PRPF6: variants seen among roughly 807,000 people sequenced by gnomAD.
PRPF6 encodes the protein pre-mRNA processing factor 6.
Under a neutral mutation model 118.3 loss-of-function variants are expected in PRPF6, and 42 were observed. That is an observed-to-expected ratio of 0.35 (90% CI 0.28 to 0.46). The LOEUF is 0.46. PRPF6 is among the 20% of genes least tolerant of loss of function. The pLI is 1.00. For missense variants in PRPF6, 662 were observed against 1,255.7 expected, an observed-to-expected ratio of 0.53 and a Z score of 7.15; for synonymous variants, 481 against 485.1, an observed-to-expected ratio of 0.99 and a Z score of 0.11.
chr20:64,021,627 TTGTG>T (rs1247127684), intron 12 of PRPF6, among the ~76,000 whole-genome samples: 4 of 59,046 alleles, frequency 6.8e-5, no homozygotes, highest in Admixed American at 1.9e-4. Flanking sequence ...GTGCGTGTGT[TTGTG>T]TGTGTGCGTG....
rs571560972 is a variant in PRPF6 at position 64,016,641 on chromosome 20, G to A, written c.1525-82G>A. 5.5e-4 allele frequency: 868 copies of A among 1,565,738 alleles called. 1 individual carries two copies. Among genetic ancestry groups the A allele is most frequent in the Middle Eastern group, 2.3e-3 (12 of 5,204 alleles). On this transcript the variant is annotated intron_variant, in intron 11 of 20. Coordinates refer to ENST00000266079, the MANE Select transcript of PRPF6 (RefSeq NM_012469.4). ...GTGCTGATGTCTGTCAGTTTTAACCGTTCAGGAACTCCGTACTCCCCGTTG... is the reference window on the plus strand; with the variant it reads ...GTGCTGATGTCTGTCAGTTTTAACCATTCAGGAACTCCGTACTCCCCGTTG...
chr20:63,981,354 G>T (rs767505905), intron 1 of PRPF6, 38 bp downstream of exon 1: 3 of 1,543,448 alleles, frequency 1.9e-6, no homozygotes, highest in Non-Finnish European at 2.6e-6. Flanking sequence ...CGGGGACCCG[G>T]CTACAGGAGC....
chr20:63,982,976 A>G, intron 1 of PRPF6, 71 bp from the exon 2 acceptor site: 1 of 1,561,376 alleles, frequency 6.4e-7, no homozygotes, highest in Non-Finnish European at 8.7e-7. Context: ...TTAGTAAGTG[A>G]TAACCAGGAG....
At chr20:63,984,280 G>A (rs1375986422) in intron 2 of PRPF6, among the ~76,000 whole-genome samples, 4 of 152,108 alleles carry the variant, frequency 2.6e-5, no homozygotes, top group African/African-American at 9.7e-5. Flanking sequence ...AATTAGCCGG[G>A]CATGGTGGCA....
chr20:64,021,076 C>T (rs996010341), intron 12 of PRPF6, among the ~76,000 whole-genome samples: 8 of 152,338 alleles, frequency 5.3e-5, no homozygotes, highest in Middle Eastern at 3.4e-3. Flanking sequence ...CGTGAGCCAC[C>T]GCTGTAGCCA....
chr20:64,028,402 C>A lies in PRPF6; in HGVS notation c.2340-76C>A. 1 of 1,491,056 alleles carries A rather than the reference C, an allele frequency of 6.7e-7. No homozygotes were observed. Among genetic ancestry groups the A allele is most frequent in the Non-Finnish European group, 9.3e-7 (1 of 1,070,128 alleles). 92.4% of individuals were successfully genotyped at this position (1,491,056 alleles called of 1,614,324 possible). ...TGACTGGGTGGAGAGCCCTTTCAGACAAGGCTTCCCAGAAGCTACCAGAAT... is the reference window on the plus strand; with the variant it reads ...TGACTGGGTGGAGAGCCCTTTCAGAAAAGGCTTCCCAGAAGCTACCAGAAT... On this transcript the variant is annotated intron_variant, in intron 17 of 20. Transcript: ENST00000266079. This position sits in a 1 kb window ranked among gnomAD's most constrained non-coding sequence, Gnocchi z 6.5.
rs761438162 is a variant in PRPF6 at position 64,011,240 on chromosome 20, C to T, written c.1306-45C>T. On this transcript the variant is annotated intron_variant, in intron 10 of 20. Coordinates refer to ENST00000266079, the MANE Select transcript of PRPF6 (RefSeq NM_012469.4). This position sits in a 1 kb window ranked among gnomAD's most constrained non-coding sequence, Gnocchi z 6.7. ...TCGCTGTCTGGCCTGCAGCTGTCCC[C>T]CCAGCACAGTGTCCTCTCCTTTTTC... 3.8e-6 allele frequency: 6 copies of T among 1,586,298 alleles called. No individual in the cohort carries two copies. Among genetic ancestry groups the T allele is most frequent in the East Asian group, 4.5e-5 (2 of 44,650 alleles).
chr20:64,026,782 A>G lies in PRPF6; in HGVS notation c.2029-200A>G, dbSNP rs1002149147. Among the ~76,000 whole-genome samples the G allele has an allele frequency of 6.6e-6, 1 of 151,732 alleles. No homozygotes were observed. Among genetic ancestry groups the G allele is most frequent in the Non-Finnish European group, 1.5e-5 (1 of 68,000 alleles). On this transcript the variant is annotated intron_variant, in intron 15 of 20. Transcript: ENST00000266079. The surrounding 1 kb of genome is among the most constrained non-coding windows in gnomAD (Gnocchi z 4.4). ...GCCACTGCACTCCAGCCTGGGTGAC[A>G]GAGCGAGACTCTATCTCAAAAAAAA...
rs1345672312 is a variant in PRPF6 at position 64,027,826 on chromosome 20, G to A, written c.2339+90G>A. 1.7e-5 allele frequency: 27 copies of A among 1,561,038 alleles called. No individual in the cohort carries two copies. Among genetic ancestry groups the A allele is most frequent in the East Asian group, 1.3e-4 (6 of 44,598 alleles). On this transcript the variant is annotated intron_variant, in intron 17 of 20. Transcript: ENST00000266079. The surrounding 1 kb of genome is among the most constrained non-coding windows in gnomAD (Gnocchi z 6.5). ...CCCAGCTGCTTGTGTGGAGTCACTC[G>A]TGCAGTGCTTCCAGGCTCAGGGGCT...
intron 3 of PRPF6, among the ~76,000 whole-genome samples, chr20:63,991,664 C>T (rs551815728): frequency 6.6e-6 from 1 of 152,120 alleles, no homozygotes; most frequent in African/African-American, 2.4e-5. Flanking sequence ...GTGGTGCATG[C>T]CTGTAATCCC....
At position 63,998,372 on chromosome 20, in the gene PRPF6, C is replaced by T. The variant is rs371977692; in HGVS notation, c.772-673C>T. On this transcript the variant is annotated intron_variant, in intron 6 of 20. Coordinates refer to ENST00000266079, the MANE Select transcript of PRPF6 (RefSeq NM_012469.4). Reference sequence around the variant, plus strand: ...CCTCCCAAAGTGCTGGGTTTACAGGCGTGAGCCACCACGCCTGGTCAAAAA... The same window carrying T: ...CCTCCCAAAGTGCTGGGTTTACAGGTGTGAGCCACCACGCCTGGTCAAAAA... Among the ~76,000 whole-genome samples, 514 of 151,238 alleles carry T rather than the reference C, an allele frequency of 3.4e-3. 12 individuals carry two copies. In the South Asian group the frequency reaches 0.058, roughly 17 times the overall value.
At position 64,027,042 on chromosome 20, in the gene PRPF6, C is replaced by G. The variant is rs986033497; in HGVS notation, c.2089C>G (p.Leu697Val). ...AGACAACATCAGGGCAGCCCAAGAT[C>G]TGTGCGAGGAGGCCCTGCGGCACTA... ...VQDNIRAAQD[L>V]CEEALRHYED... The change falls in exon 16 of 21, where the codon CTG (leucine) becomes GTG (valine). Residue 697 changes from leucine (L) to valine (V), a missense_variant. Leu to Val is a conservative substitution (Grantham distance 32). Around this residue, in one of 10 missense-constraint regions of PRPF6, gnomAD observed 244 missense variants for 383.7 expected, o/e 0.64. Transcript: ENST00000266079. The surrounding 1 kb of genome is among the most constrained non-coding windows in gnomAD (Gnocchi z 6.5). 5 of 1,614,068 alleles carry G rather than the reference C, an allele frequency of 3.1e-6. No individual in the cohort carries two copies. Among genetic ancestry groups the G allele is most frequent in the Non-Finnish European group, 4.2e-6 (5 of 1,180,030 alleles).
At position 63,999,819 on chromosome 20, in the gene PRPF6, G is replaced by A; in HGVS notation, c.1023+60G>A. 3 of 1,587,936 alleles carry A rather than the reference G, an allele frequency of 1.9e-6. 1 individual carries two copies. The South Asian group carries it at 3.4e-5, about 18-fold the overall frequency. On this transcript the variant is annotated intron_variant, in intron 8 of 20. Transcript: ENST00000266079. ...CTGCGTGATTGTGGCCCCTACGGGA[G>A]TAAACTTGTTAGAGCAAATCTCTTT... is the stretch of plus-strand genomic sequence containing the variant.
At chr20:63,981,750 TATC>T (rs2059069743) in intron 1 of PRPF6, among the ~76,000 whole-genome samples, 1 of 150,938 alleles carries the variant, frequency 6.6e-6, no homozygotes, top group Non-Finnish European at 1.5e-5. Flanking sequence ...CAGTCGTTAT[TATC>T]CTATTTGGCT....
chr20:64,032,082 G>A, intron 20 of PRPF6, 38 bp downstream of exon 20: 1 of 1,613,034 alleles, frequency 6.2e-7, no homozygotes, highest in Non-Finnish European at 8.5e-7. Flanking sequence ...AGTGCCTTCT[G>A]GGACTGTGGC....
intron 2 of PRPF6, among the ~76,000 whole-genome samples, chr20:63,984,124 T>A (rs1045063552): frequency 2.1e-4 from 32 of 152,224 alleles, no homozygotes; most frequent in African/African-American, 7.7e-4. Flanking sequence ...TTTTTAAAAA[T>A]AATTTTAGTT....
chr20:64,011,630 A>T lies in PRPF6; in HGVS notation c.1524+127A>T. On this transcript the variant is annotated intron_variant, in intron 11 of 20. Coordinates refer to ENST00000266079, the MANE Select transcript of PRPF6 (RefSeq NM_012469.4). The surrounding 1 kb of genome is among the most constrained non-coding windows in gnomAD (Gnocchi z 6.7). The stretch of plus-strand genomic sequence containing the variant: ...CCTGTGCCAAACCAGAAGCAGGCAC[A>T]GGTGTGAATGGGCCCTGAGGGACCT... The T allele has an allele frequency of 9.3e-7, 1 of 1,076,684 alleles. No individual in the cohort carries two copies. The highest frequency in any genetic ancestry group is 1.4e-6 in the Non-Finnish European group (1 of 730,382). The allele number at this position is 1,076,684 out of a possible 1,614,324, so 66.7% of individuals were successfully genotyped here.
At chr20:63,993,122 A>AG (rs1378116561) in intron 3 of PRPF6, among the ~76,000 whole-genome samples, 1 of 151,486 alleles carries the variant, frequency 6.6e-6, no homozygotes, top group Non-Finnish European at 1.5e-5. Context: ...AGGCTGAGGC[A>AG]GGAAAATCAC....
intron 9 of PRPF6, among the ~76,000 whole-genome samples, chr20:64,006,443 A>C (rs993641866): frequency 6.6e-6 from 1 of 151,858 alleles, no homozygotes; most frequent in Admixed American, 6.6e-5. Context: ...CAGCCTCCCA[A>C]GTAGATGGGA....
Sources: allele counts gnomAD v4.1 joint callset (sites outside exome capture counted in the v4.1 genomes callset), GRCh38; gene constraint gnomAD v4.1.1; regional missense constraint gnomAD v4.1.1; non-coding constraint Gnocchi (gnomAD v3.1); transcripts MANE v1.5; gene names NCBI Gene and HGNC (gene_info 2026-07-23, HGNC 2026-07-21).